SUN1: variants seen among roughly 807,000 people sequenced by gnomAD.
SUN1 encodes SUN domain-containing protein 1.
In SUN1, 61 loss-of-function variants were observed where a neutral mutation model predicts 103.2. The ratio of observed to expected loss-of-function variants is 0.59; its 90% CI spans 0.48 to 0.73. SUN1 has a LOEUF of 0.73. SUN1 is among the 30% of genes least tolerant of loss of function. The pLI is 0.00. For missense variants in SUN1, 1,052 were observed against 1,034.6 expected, an observed-to-expected ratio of 1.02 and a Z score of -0.23; for synonymous variants, 490 against 425.7, an observed-to-expected ratio of 1.15 and a Z score of -1.86.
Position 870,063 on chromosome 7 carries a change from A to G in SUN1, c.2148+547A>G, listed in dbSNP as rs1011419590. ...TACAAAAAAAAAAAAAAAATGAGCC[A>G]GGCTTGGTGGCGCACGCCTGTAATC... On this transcript the variant is annotated intron_variant, in intron 17 of 18. Transcript: ENST00000401592. Among the ~76,000 whole-genome samples, 3 of 151,262 alleles carry G rather than the reference A, an allele frequency of 2.0e-5. No individual in the cohort carries two copies. The South Asian group carries it at 6.3e-4, about 32-fold the overall frequency.
At chr7:870,926 C>T (rs61089641) in intron 17 of SUN1, among the ~76,000 whole-genome samples, 3 of 135,454 alleles carry the variant, frequency 2.2e-5, no homozygotes, top group Admixed American at 8.3e-5. Flanking sequence ...GTCTTGGTCT[C>T]GTTGCCCAGG....
rs368932237 is a variant in SUN1, at chr7:853,542, G to C, written c.1187G>C (p.Arg396Pro). Reference protein sequence around the residue: ...LTTLLQKLQARVDQMEGGAAG... With the variant: ...LTTLLQKLQAPVDQMEGGAAG... Reference sequence around the variant, plus strand: ...ACTTTGCTACAGAAGCTGCAGGCTCGGGTGGACCAGATGGAAGGCGGCGCT... The same window carrying C: ...ACTTTGCTACAGAAGCTGCAGGCTCCGGTGGACCAGATGGAAGGCGGCGCT... Residue 396 changes from arginine to proline, a missense_variant, in exon 10 of 19, where the codon CGG becomes CCG. Coordinates refer to ENST00000401592, the MANE Select transcript of SUN1 (RefSeq NM_001130965.3). The C allele has an allele frequency of 6.2e-7, 1 of 1,613,130 alleles. No individual in the cohort carries two copies. The highest frequency in any genetic ancestry group is 1.1e-5 in the South Asian group (1 of 91,070).
chr7:830,587 C>T (rs1042840625), upstream of SUN1, among the ~76,000 whole-genome samples: 1 of 92,194 alleles, frequency 1.1e-5, no homozygotes, highest in Non-Finnish European at 2.3e-5. Context: ...TCCACATCCT[C>T]ACTTCCTCAG....
chr7:838,680 GTAATAGTTGCTCT>G, intron 1 of SUN1, 105 bp from the exon 2 acceptor site: 1 of 1,067,334 alleles, frequency 9.4e-7, no homozygotes, highest in Non-Finnish European at 1.3e-6. Flanking sequence ...TTGTCACCCA[GTAATAGTTGCTCT>G]TGAAAATCCA....
intron 2 of SUN1, among the ~76,000 whole-genome samples, chr7:841,634 A>G (rs1039090615): frequency 6.6e-6 from 1 of 152,182 alleles, no homozygotes; most frequent in Non-Finnish European, 1.5e-5. Context: ...AAATTTATAA[A>G]TCACAGATGT....
intron 13 of SUN1, among the ~76,000 whole-genome samples, chr7:858,788 C>T (rs886544456): frequency 6.6e-6 from 1 of 152,176 alleles, no homozygotes; most frequent in East Asian, 1.9e-4. Flanking sequence ...ATTTGCAATA[C>T]GTGTGGTAAG....
At chr7:840,149 G>A (rs1807865773) in intron 2 of SUN1, among the ~76,000 whole-genome samples, 2 of 152,318 alleles carry the variant, frequency 1.3e-5, no homozygotes, top group South Asian at 4.1e-4. Context: ...GTTGATGGGT[G>A]GAGAACTGCC....
upstream of SUN1, among the ~76,000 whole-genome samples, chr7:828,273 G>T (rs62432924): frequency 0.36 from 53,149 of 147,758 alleles, 9,601 homozygotes; most frequent in East Asian, 0.5. Flanking sequence ...TTTTGTTTTT[G>T]TTTTGTTTTG....
At chr7:856,841 C>G (rs1189949351) in intron 12 of SUN1, among the ~76,000 whole-genome samples, 1 of 152,196 alleles carries the variant, frequency 6.6e-6, no homozygotes, top group Non-Finnish European at 1.5e-5. Context: ...GCTGCTGCTC[C>G]TGGACGGCAG....
chr7:815,953 C>T (rs114428228), upstream of SUN1: 285 of 205,736 alleles, frequency 1.4e-3, 1 homozygote, highest in African/African-American at 6.2e-3. Flanking sequence ...GAAGTGGGGG[C>T]TGCCTCCCGG....
chr7:860,422 A>C (rs1831285166), intron 14 of SUN1, 40 bp downstream of exon 14: 1 of 1,602,566 alleles, frequency 6.2e-7, no homozygotes, highest in Non-Finnish European at 8.5e-7. Flanking sequence ...CTTACAGTCC[A>C]TTCTGTGCTG....
chr7:829,573 G>A (rs940520739), upstream of SUN1, among the ~76,000 whole-genome samples: 1 of 89,170 alleles, frequency 1.1e-5, no homozygotes, highest in African/African-American at 4.3e-5. Flanking sequence ...TTTTTTTTTT[G>A]AGATGGAGTC....
At position 841,975 on chromosome 7, in the gene SUN1, A is replaced by G. The variant is rs1203009448; in HGVS notation, c.296A>G (p.Lys99Arg). 3 of 1,614,208 alleles carry G rather than the reference A, an allele frequency of 1.9e-6. No homozygotes were observed. The highest frequency in any genetic ancestry group is 3.3e-5 in the Admixed American group (2 of 60,012). The change falls in exon 3 of 19, where the codon AAA becomes AGA. Residue 99 changes from lysine (K) to arginine (R), a missense_variant. By Grantham distance (26) the Lys-to-Arg change is conservative. Around this residue, in one of 2 missense-constraint regions of SUN1, gnomAD observed 846 missense variants for 774.5 expected, o/e 1.09. Coordinates refer to ENST00000401592, the MANE Select transcript of SUN1 (RefSeq NM_001130965.3). The stretch of plus-strand genomic sequence containing the variant: ...ACAAAACAGCGCAGAAGCACAAACA[A>G]ATCAGCTTTTAGTATCAACCACGTG... ...RTTKQRRSTN[K>R]SAFSINHVSR...
At chr7:826,359 T>G (rs1046673472) in intron 1 of SUN1, among the ~76,000 whole-genome samples, 3 of 147,440 alleles carry the variant, frequency 2.0e-5, no homozygotes, top group Admixed American at 6.8e-5. Flanking sequence ...CATGTGTGTC[T>G]GTGTGTGTGC....
upstream of SUN1, among the ~76,000 whole-genome samples, chr7:828,319 T>C (rs983890332): frequency 1.3e-5 from 2 of 152,094 alleles, no homozygotes; most frequent in African/African-American, 4.8e-5. Context: ...TCACCCAGGC[T>C]GGAGTGCAGT....
intron 1 of SUN1, among the ~76,000 whole-genome samples, chr7:818,879 T>G (rs1226817475): frequency 6.6e-6 from 1 of 152,058 alleles, no homozygotes; most frequent in African/African-American, 2.4e-5. Context: ...CCTTTTTTTT[T>G]TTGAGACGGA....
chr7:859,378 A>G (rs1830390312), intron 13 of SUN1, among the ~76,000 whole-genome samples: 1 of 152,194 alleles, frequency 6.6e-6, no homozygotes, highest in East Asian at 1.9e-4. Flanking sequence ...TTAACCAGTG[A>G]CAAATACATG....
At chr7:860,746 GA>G (rs1221783362) in intron 14 of SUN1, among the ~76,000 whole-genome samples, 3 of 152,208 alleles carry the variant, frequency 2.0e-5, no homozygotes, top group Non-Finnish European at 4.4e-5. Context: ...ATTTAGAAAG[GA>G]TCATTGACTC....
rs1163283253 is a variant in SUN1, at chr7:852,815, C to T, written c.916C>T (p.Leu306Phe). ...TGGTGGCTCTTCTCTTTTAGCAGGT[C>T]TCTCCTTACGGGGCCAGGGCAATTT... ...LIPLFLLLAG[L>F]SLRGQGNFFS... The change falls in exon 9 of 19, where the codon CTC (leucine) becomes TTC (phenylalanine). Residue 306 changes from leucine (L) to phenylalanine (F), a missense_variant. Transcript: ENST00000401592. 6.2e-7 allele frequency: 1 copy of T among 1,612,420 alleles called. No individual in the cohort carries two copies.
Sources: gnomAD v4.1 joint callset for allele counts (sites outside exome capture counted in the v4.1 genomes callset) on GRCh38, gnomAD v4.1.1 for gene constraint, gnomAD v4.1.1 regional missense constraint, MANE v1.5 for transcripts, NCBI Gene and HGNC (gene_info 2026-07-23, HGNC 2026-07-21) for gene names.